The following ERP27 variants were observed in gnomAD, a reference collection of about 807,000 sequenced individuals.
The protein encoded by ERP27 is endoplasmic reticulum protein 27, also known as endoplasmic reticulum resident protein 27.
ERP27 carries 23 observed loss-of-function variants against 27.7 expected under a neutral mutation model. The observed-to-expected ratio is 0.83, with a 90% CI of 0.60 to 1.18. The LOEUF is 1.18. Ranked by LOEUF, ERP27 falls within the 50% of genes most tolerant of loss-of-function variation. The probability of loss-of-function intolerance (pLI) is 0.00; values close to 1 mark genes in which losing one functional copy is unlikely to be tolerated. For missense variants in ERP27, 363 were observed against 327.9 expected (o/e 1.11, Z -0.83); for synonymous variants, 159 against 118.3 (o/e 1.34, Z -2.23).
At chr12:14,918,585 G>A (rs1374831327) in intron 4 of ERP27, among the ~76,000 whole-genome samples, 1 of 152,144 alleles carries the variant, frequency 6.6e-6, no homozygotes, top group Non-Finnish European at 1.5e-5. Context: ...AATTCAGAAA[G>A]CATTGCTACA....
intron 5 of ERP27, among the ~76,000 whole-genome samples, 191 bp downstream of exon 5, chr12:14,916,987 A>G (rs1245509190): frequency 2.0e-5 from 3 of 152,222 alleles, no homozygotes; most frequent in Admixed American, 6.5e-5. Context: ...ATATAATTAC[A>G]TATGCCTTTA....
intron 3 of ERP27, among the ~76,000 whole-genome samples, chr12:14,932,361 T>A (rs966637564): frequency 5.9e-5 from 9 of 152,122 alleles, no homozygotes; most frequent in Non-Finnish European, 1.2e-4. Context: ...CACTGGAGTA[T>A]GAGAAGGAGT....
intron 4 of ERP27, among the ~76,000 whole-genome samples, chr12:14,918,859 C>T (rs1329726454): frequency 1.3e-5 from 2 of 152,142 alleles, no homozygotes; most frequent in Admixed American, 6.5e-5. Flanking sequence ...ACATGATTTA[C>T]TCTTGTTTTA....
chr12:14,931,818 G>A (rs1000414203), intron 3 of ERP27, among the ~76,000 whole-genome samples: 3 of 151,964 alleles, frequency 2.0e-5, no homozygotes, highest in Admixed American at 1.3e-4. Context: ...TTATAAGACC[G>A]ACAAACGAAA....
intron 3 of ERP27, among the ~76,000 whole-genome samples, chr12:14,925,886 G>T (rs1038437152): frequency 4.6e-5 from 7 of 152,044 alleles, no homozygotes; most frequent in Non-Finnish European, 1.0e-4. Context: ...TGGCCAACAT[G>T]ATGAAAGCCC....
chr12:14,935,151 G>A lies in ERP27; in HGVS notation c.196-158C>T, dbSNP rs1447135152. ...ACCCCTAACAATTCAGGTTTAACTG[G>A]CAGTGACATTCTTGAATTTTCCAGG... On this transcript the variant is annotated intron_variant, in intron 2 of 6. Transcript: ENST00000266397. 6.1e-6 allele frequency: 6 copies of A among 985,244 alleles called. No homozygotes were observed. In the South Asian group the frequency reaches 1.9e-4, roughly 31 times the overall value. The allele number at this position is 985,244 out of a possible 1,614,324, so 61.0% of individuals were successfully genotyped here. A position where few individuals can be genotyped will look rare whatever the true frequency, so the allele number is the denominator to read the frequency against.
intron 2 of ERP27, 36 bp downstream of exon 2, chr12:14,937,916 T>G: frequency 6.3e-7 from 1 of 1,584,046 alleles, no homozygotes; most frequent in South Asian, 1.1e-5. Context: ...GTAGAACATT[T>G]CTGGCTCTTG....
chr12:14,914,537 T>G lies in ERP27; in HGVS notation c.*198A>C. 4 of 523,248 alleles carry G rather than the reference T, an allele frequency of 7.6e-6. No individual in the cohort carries two copies. Among genetic ancestry groups the G allele is most frequent in the South Asian group, 3.0e-5 (1 of 33,016 alleles). 32.4% of individuals were successfully genotyped at this position (523,248 alleles called of 1,614,324 possible). A position where few individuals can be genotyped will look rare whatever the true frequency, so the allele number is the denominator to read the frequency against. On this transcript the variant is annotated 3_prime_UTR_variant, in exon 7 of 7. Coordinates refer to ENST00000266397, the MANE Select transcript of ERP27 (RefSeq NM_152321.4). Reference sequence around the variant, plus strand: ...AAGAAGGAAGAAGAGAAAACGAGATTTTAAGACAGGAAATGAAGCTCTGTG... The same window carrying G: ...AAGAAGGAAGAAGAGAAAACGAGATGTTAAGACAGGAAATGAAGCTCTGTG...
intron 5 of ERP27, chr12:14,915,914 A>C: frequency 4.4e-6 from 2 of 452,900 alleles, no homozygotes; most frequent in Non-Finnish European, 7.9e-6. Flanking sequence ...AAACTAACAC[A>C]GGAAGAGAAA....
At chr12:14,936,351 G>C (rs1385185873) in intron 2 of ERP27, among the ~76,000 whole-genome samples, 5 of 152,182 alleles carry the variant, frequency 3.3e-5, no homozygotes, top group African/African-American at 9.7e-5. Context: ...CTGCAGCCCA[G>C]GCCTGCAGGA....
intron 2 of ERP27, 44 bp from the exon 3 acceptor site, chr12:14,935,037 G>T (rs771593596): frequency 6.3e-7 from 1 of 1,594,478 alleles, no homozygotes; most frequent in Non-Finnish European, 8.5e-7. Flanking sequence ...TTATTTCGAA[G>T]GGCAGAGACA....
intron 3 of ERP27, among the ~76,000 whole-genome samples, chr12:14,930,719 C>G (rs1034128080): frequency 6.6e-6 from 1 of 152,194 alleles, no homozygotes; most frequent in Non-Finnish European, 1.5e-5. Flanking sequence ...TGCATAAATA[C>G]AGCACTGGCT....
intron 3 of ERP27, among the ~76,000 whole-genome samples, chr12:14,933,128 ATACT>A (rs1199312802): frequency 1.3e-5 from 2 of 152,204 alleles, no homozygotes; most frequent in Admixed American, 6.5e-5. Context: ...TTCTAAACAA[ATACT>A]TAGTGAGCAC....
chr12:14,934,090 A>C (rs1224061063), intron 3 of ERP27, among the ~76,000 whole-genome samples: 1 of 152,228 alleles, frequency 6.6e-6, no homozygotes, highest in Non-Finnish European at 1.5e-5. Context: ...ATACGATTTT[A>C]ATCAAGTTTC....
At position 14,938,028 on chromosome 12, in the gene ERP27, G is replaced by A; in HGVS notation, c.119C>T (p.Pro40Leu). Residue 40 changes from proline (P) to leucine (L), a missense_variant, in exon 2 of 7, where the codon CCC (proline) becomes CTC (leucine). Pro to Leu is a moderately conservative substitution (Grantham distance 98, BLOSUM62 -3). Coordinates refer to ENST00000266397, the MANE Select transcript of ERP27 (RefSeq NM_152321.4). ...AGCTGGGACATCTGTGAGCCACGTGGGTTCCTGGGCAGCACCAGGACCATC... is the reference window on the plus strand; with the variant it reads ...AGCTGGGACATCTGTGAGCCACGTGAGTTCCTGGGCAGCACCAGGACCATC... ...SSDGPGAAQE[P>L]TWLTDVPAAM... 1.2e-6 allele frequency: 2 copies of A among 1,614,056 alleles called. No individual in the cohort carries two copies. The highest frequency in any genetic ancestry group is 1.7e-4 in the Middle Eastern group (1 of 6,060).
At chr12:14,918,414 C>T (rs910223246) in intron 4 of ERP27, among the ~76,000 whole-genome samples, 31 of 152,166 alleles carry the variant, frequency 2.0e-4, no homozygotes, top group African/African-American at 6.8e-4. Flanking sequence ...GGTGATTTTT[C>T]CATGAAGTTG....
rs556696667 is a variant in ERP27, at chr12:14,927,056, G to T, written c.334-6008C>A. 1.2e-3 allele frequency among the ~76,000 whole-genome samples: 189 copies of T among 152,146 alleles called. 1 individual carries two copies. Among genetic ancestry groups the T allele is most frequent in the African/African-American group, 4.5e-3 (185 of 41,498 alleles). On this transcript the variant is annotated intron_variant, in intron 3 of 6. Transcript: ENST00000266397. ...TGCTGGGGGTAGAATTCTAACGTTGGCAGTGATTTTCTTTCAGTATTTGAA... is the reference window on the plus strand; with the variant it reads ...TGCTGGGGGTAGAATTCTAACGTTGTCAGTGATTTTCTTTCAGTATTTGAA...
At chr12:14,936,672 G>A (rs1291614833) in intron 2 of ERP27, among the ~76,000 whole-genome samples, 1 of 152,090 alleles carries the variant, frequency 6.6e-6, no homozygotes, top group Non-Finnish European at 1.5e-5. Context: ...CCCCCATGCT[G>A]TTCTCGTGAT....
intron 5 of ERP27, 172 bp from the exon 6 acceptor site, chr12:14,915,858 G>A (rs936721153): frequency 1.5e-6 from 1 of 646,038 alleles, no homozygotes; most frequent in African/African-American, 1.8e-5. Context: ...ACAAAATCAT[G>A]TCTTTTGTGG....
Sources: allele counts gnomAD v4.1 joint callset (sites outside exome capture counted in the v4.1 genomes callset), GRCh38; gene constraint gnomAD v4.1.1; transcripts MANE v1.5; gene names NCBI Gene and HGNC (gene_info 2026-07-23, HGNC 2026-07-21).